F13A1: variants seen among roughly 807,000 people sequenced by gnomAD.
F13A1 encodes the protein FSF, A subunit.
In F13A1, 47 loss-of-function variants were observed where a neutral mutation model predicts 80.1. That is an observed-to-expected ratio of 0.59 (90% CI 0.46 to 0.75). The LOEUF is 0.75. F13A1 is among the 30% of genes least tolerant of loss of function. F13A1 has a pLI of 0.00. For missense variants in F13A1, 817 were observed against 930.4 expected (o/e 0.88, Z 1.59); for synonymous variants, 349 against 344.9 (o/e 1.01, Z -0.13).
chr6:6,185,649 C>T (rs1324558788), intron 10 of F13A1, among the ~76,000 whole-genome samples: 1 of 151,662 alleles, frequency 6.6e-6, no homozygotes, highest in Non-Finnish European at 1.5e-5. Context: ...GGTTCCAAGT[C>T]TTTGCTATTG....
intron 3 of F13A1, among the ~76,000 whole-genome samples, chr6:6,286,736 C>T (rs902167443): frequency 4.0e-5 from 6 of 151,736 alleles, no homozygotes; most frequent in African/African-American, 7.3e-5. Context: ...ACAGACAGGC[C>T]GGGATGAAAG....
At chr6:6,150,961 C>A (rs1313708012) in intron 14 of F13A1, among the ~76,000 whole-genome samples, 1 of 152,150 alleles carries the variant, frequency 6.6e-6, no homozygotes, top group African/African-American at 2.4e-5. Context: ...TGTTTGCAAA[C>A]ATTTGCAAAC....
chr6:6,274,022 A>G (rs1757955433), intron 3 of F13A1, among the ~76,000 whole-genome samples: 1 of 152,352 alleles, frequency 6.6e-6, no homozygotes, highest in Admixed American at 6.5e-5. Flanking sequence ...CGCCCTTTCC[A>G]TTGCTAAGTT....
intron 10 of F13A1, among the ~76,000 whole-genome samples, chr6:6,186,541 G>A (rs949051180): frequency 2.9e-4 from 44 of 152,176 alleles, no homozygotes; most frequent in East Asian, 7.7e-4. Context: ...GTAGATATGC[G>A]GCATTATTTC....
intron 3 of F13A1, among the ~76,000 whole-genome samples, chr6:6,293,774 TGA>T (rs1382847233): frequency 9.8e-5 from 7 of 71,776 alleles, no homozygotes; most frequent in African/African-American, 3.3e-4. Context: ...ATGGAGGGAG[TGA>T]GAGAGAGAGG....
At chr6:6,201,842 T>C (rs1561652872) in intron 8 of F13A1, among the ~76,000 whole-genome samples, 1 of 152,072 alleles carries the variant, frequency 6.6e-6, no homozygotes, top group Admixed American at 6.6e-5. Flanking sequence ...TTTTCTCAGA[T>C]ATTTAGCATT....
At chr6:6,293,043 T>C (rs1400853258) in intron 3 of F13A1, among the ~76,000 whole-genome samples, 1 of 152,250 alleles carries the variant, frequency 6.6e-6, no homozygotes, top group African/African-American at 2.4e-5. Flanking sequence ...TCCTCATCTT[T>C]CTGCTGTAAC....
intron 1 of F13A1, among the ~76,000 whole-genome samples, chr6:6,319,913 AATG>A (rs1341921476): frequency 3.3e-5 from 5 of 152,208 alleles, no homozygotes; most frequent in Non-Finnish European, 5.9e-5. Context: ...AAAAAGGGTT[AATG>A]ATAGGGAGAA....
At chr6:6,217,538 G>T (rs1313184908) in intron 8 of F13A1, among the ~76,000 whole-genome samples, 6 of 111,840 alleles carry the variant, frequency 5.4e-5, no homozygotes, top group African/African-American at 2.1e-4. Flanking sequence ...TGGGGTGGGG[G>T]GAGGGGGGAG....
At chr6:6,268,833 C>A (rs1357897217) in intron 3 of F13A1, among the ~76,000 whole-genome samples, 1 of 151,740 alleles carries the variant, frequency 6.6e-6, no homozygotes, top group African/African-American at 2.4e-5. Context: ...GGATTACAGG[C>A]ACCCACCACC....
chr6:6,266,643 A>C lies in F13A1; in HGVS notation c.486T>G (p.Val162=), dbSNP rs1459101658. The change falls in exon 4 of 15, where the codon GTT becomes GTG. Residue 162 remains valine, a synonymous_variant. Transcript: ENST00000264870. ...KCIVGKFRMY[V]AVWTPYGVLR... ...GTACGCCATAGGGAGTCCAGACAGC[A>C]ACATACATGCGGAATTTCCCCACAA... 6.2e-7 allele frequency: 1 copy of C among 1,614,232 alleles called. No individual in the cohort carries two copies.
intron 3 of F13A1, among the ~76,000 whole-genome samples, chr6:6,293,402 C>T (rs757936842): frequency 6.6e-6 from 1 of 152,058 alleles, no homozygotes; most frequent in Non-Finnish European, 1.5e-5. Context: ...TTACCACTCC[C>T]CTCCTTGCCT....
At chr6:6,235,236 T>G (rs1757400010) in intron 6 of F13A1, among the ~76,000 whole-genome samples, 1 of 151,990 alleles carries the variant, frequency 6.6e-6, no homozygotes, top group Non-Finnish European at 1.5e-5. Flanking sequence ...GGCAGTTTCC[T>G]TAGATAAAAT....
chr6:6,269,444 A>AAAAACCTTGAGCTGACTGATTTTTC (rs1263998313), intron 3 of F13A1, among the ~76,000 whole-genome samples: 4 of 152,304 alleles, frequency 2.6e-5, no homozygotes, highest in Admixed American at 1.3e-4. Flanking sequence ...TCCCAAACTA[A>AAAAACCTTGAGCTGACTGATTTTTC]AAAACCTTGA....
chr6:6,155,976 T>A (rs895551520), intron 13 of F13A1, among the ~76,000 whole-genome samples: 7 of 152,208 alleles, frequency 4.6e-5, no homozygotes, highest in Non-Finnish European at 5.9e-5. Flanking sequence ...AAAGGGAGCC[T>A]TCAGGCAATT....
At chr6:6,225,592 C>T (rs1024832660) in intron 6 of F13A1, among the ~76,000 whole-genome samples, 5 of 152,038 alleles carry the variant, frequency 3.3e-5, no homozygotes, top group Admixed American at 6.6e-5. Context: ...ACTGTAGCCT[C>T]GAACTCTTAG....
chr6:6,242,892 C>T (rs1165618812), intron 6 of F13A1, among the ~76,000 whole-genome samples: 2 of 152,172 alleles, frequency 1.3e-5, no homozygotes, highest in Non-Finnish European at 2.9e-5. Context: ...GAGAGATTTG[C>T]TTTCCCATAC....
intron 10 of F13A1, among the ~76,000 whole-genome samples, chr6:6,190,596 T>C (rs925753039): frequency 2.0e-5 from 3 of 151,942 alleles, no homozygotes; most frequent in African/African-American, 7.2e-5. Flanking sequence ...GATCTCCAGC[T>C]GCATGCTGGG....
chr6:6,167,012 A>T (rs2151072617), intron 13 of F13A1, among the ~76,000 whole-genome samples: 1 of 152,322 alleles, frequency 6.6e-6, no homozygotes, highest in East Asian at 1.9e-4. Flanking sequence ...GTATATTTTG[A>T]TCTGTGCAAT....
Sources: allele counts gnomAD v4.1 joint callset (sites outside exome capture counted in the v4.1 genomes callset), GRCh38; gene constraint gnomAD v4.1.1; transcripts MANE v1.5; gene names NCBI Gene and HGNC (gene_info 2026-07-23, HGNC 2026-07-21).